HOXD3: variants seen among roughly 807,000 people sequenced by gnomAD.
HOXD3 encodes the protein homeobox D3.
HOXD3 carries 13 observed loss-of-function variants against 32.8 expected under a neutral mutation model. The ratio of observed to expected loss-of-function variants is 0.40; its 90% CI spans 0.26 to 0.63. HOXD3 has a LOEUF of 0.63. Among genes scored for constraint, HOXD3 ranks in the 20% least tolerant of loss-of-function variants. The pLI is 0.44. For synonymous variants in HOXD3, 241 were observed against 246.8 expected (o/e 0.98, Z 0.22); for missense variants, 504 against 577.1 (o/e 0.87, Z 1.30).
chr2:176,152,616 A>G, upstream of HOXD3: 1 of 1,613,930 alleles, frequency 6.2e-7, no homozygotes, highest in Non-Finnish European at 8.5e-7. This position sits in a 1 kb window ranked among gnomAD's most constrained non-coding sequence, Gnocchi z 5.2. Context: ...AGTGAACCCC[A>G]ACTACACCGG....
chr2:176,163,473 A>C (rs1690870703), intron 1 of HOXD3, among the ~76,000 whole-genome samples: 1 of 152,126 alleles, frequency 6.6e-6, no homozygotes, highest in Admixed American at 6.5e-5. Context: ...TGGGCAGCCC[A>C]GGGCCAAGAG....
Position 176,169,239 on chromosome 2 carries a change from G to C in HOXD3, c.125G>C (p.Gly42Ala). 6.2e-7 allele frequency: 1 copy of C among 1,614,044 alleles called. No individual in the cohort carries two copies. The highest frequency in any genetic ancestry group is 8.5e-7 in the Non-Finnish European group (1 of 1,179,996). Residue 42 changes from glycine to alanine, a missense_variant, in exon 3 of 4, where the codon GGC becomes GCC. Gly to Ala is a moderately conservative substitution (Grantham distance 60, BLOSUM62 0). This residue lies in a region of HOXD3 where 181 missense variants were observed against 172.2 expected (regional missense o/e 1.05). Coordinates refer to ENST00000683222, the MANE Select transcript of HOXD3 (RefSeq NM_006898.5). The part of the protein sequence containing the change: ...YGYSKTTDTY[G>A]YSTPHQPYPP... Reference sequence around the variant, plus strand: ...TACAGCAAAACTACGGACACTTACGGCTACAGCACCCCCCACCAGCCCTAC... The same window carrying C: ...TACAGCAAAACTACGGACACTTACGCCTACAGCACCCCCCACCAGCCCTAC...
upstream of HOXD3, among the ~76,000 whole-genome samples, chr2:176,154,866 A>G (rs914301081): frequency 6.6e-6 from 1 of 152,234 alleles, no homozygotes; most frequent in African/African-American, 2.4e-5. Context: ...TGTTTCTATG[A>G]CAAAAAGCAC....
chr2:176,156,382 G>C (rs374366926), upstream of HOXD3, among the ~76,000 whole-genome samples: 3 of 152,322 alleles, frequency 2.0e-5, no homozygotes, highest in African/African-American at 4.8e-5. Flanking sequence ...AGGTTAATAG[G>C]GGGATCCAGG....
chr2:176,160,372 C>T (rs897073437), intron 1 of HOXD3, among the ~76,000 whole-genome samples: 1 of 152,188 alleles, frequency 6.6e-6, no homozygotes, highest in African/African-American at 2.4e-5. Context: ...TGGGGAGAGA[C>T]TCTCAACGCC....
chr2:176,156,989 A>G (rs1690657812), upstream of HOXD3, among the ~76,000 whole-genome samples: 1 of 152,068 alleles, frequency 6.6e-6, no homozygotes, highest in South Asian at 2.1e-4. Flanking sequence ...CCACCAATAC[A>G]TCAATACCGT....
intron 1 of HOXD3, among the ~76,000 whole-genome samples, chr2:176,161,562 T>A (rs1229712584): frequency 6.6e-6 from 1 of 152,208 alleles, no homozygotes; most frequent in Non-Finnish European, 1.5e-5. Flanking sequence ...TATATGTATT[T>A]AAAATAAACT....
chr2:176,166,895 C>T (rs717852), intron 2 of HOXD3, among the ~76,000 whole-genome samples: 116,323 of 152,138 alleles, frequency 0.76, 45,151 homozygotes, highest in African/African-American at 0.89. Flanking sequence ...GTGAATCATT[C>T]TGGTACCTGT....
In HOXD3 at chr2:176,169,552, G is replaced by A; in HGVS notation, c.438G>A (p.Gly146=). ...TGCCTGCCAAGAAGCCCAAAGGTGG[G>A]CCCAATGCTTCTAGCTCCTCAGCCA... The part of the protein sequence containing the change: ...GGVPAKKPKG[G]PNASSSSATI... The change falls in exon 3 of 4, where the codon GGG becomes GGA. Residue 146 remains glycine (G), a synonymous_variant. Coordinates refer to ENST00000683222, the MANE Select transcript of HOXD3 (RefSeq NM_006898.5). The A allele has an allele frequency of 6.2e-7, 1 of 1,613,910 alleles. No individual in the cohort carries two copies. The highest frequency in any genetic ancestry group is 1.7e-5 in the Admixed American group (1 of 59,992).
intron 2 of HOXD3, chr2:176,164,947 G>T (rs569039900): frequency 6.6e-6 from 1 of 152,352 alleles, no homozygotes; most frequent in Non-Finnish European, 1.5e-5. Flanking sequence ...GGCCACCACG[G>T]GCAGCAGATT....
chr2:176,172,310 C>CA lies in HOXD3; in HGVS notation c.*36_*37insA, dbSNP rs1288165849. The CA allele has an allele frequency of 6.4e-7, 1 of 1,558,944 alleles. No individual in the cohort carries two copies. The highest frequency in any genetic ancestry group is 1.3e-5 in the African/African-American group (1 of 74,134). On this transcript the variant is annotated 3_prime_UTR_variant, in exon 4 of 4. Coordinates refer to ENST00000683222, the MANE Select transcript of HOXD3 (RefSeq NM_006898.5). ...CAGCCCGAACTCGCGGCAAAATTAC[C>CA]TCTCTTGCTGTAGTGGTGGGGTAGA...
intron 2 of HOXD3, 153 bp downstream of exon 2, chr2:176,164,321 G>C (rs1690896096): frequency 6.6e-6 from 1 of 152,200 alleles, no homozygotes; most frequent in African/African-American, 2.4e-5. Context: ...CATGAAAACC[G>C]ATCATTGGCC....
At chr2:176,171,311 C>T (rs924452842) in intron 3 of HOXD3, among the ~76,000 whole-genome samples, 1 of 152,008 alleles carries the variant, frequency 6.6e-6, no homozygotes, top group Non-Finnish European at 1.5e-5. Context: ...GTTTCAGGTG[C>T]GACTGATAGG....
At chr2:176,160,165 G>A (rs1334245993) in intron 1 of HOXD3, among the ~76,000 whole-genome samples, 1 of 152,168 alleles carries the variant, frequency 6.6e-6, no homozygotes, top group Non-Finnish European at 1.5e-5. Flanking sequence ...CTGGGCGTCG[G>A]CCTCCGCGGC....
intron 2 of HOXD3, among the ~76,000 whole-genome samples, chr2:176,166,925 C>T (rs1350743060): frequency 1.3e-5 from 2 of 152,198 alleles, no homozygotes; most frequent in African/African-American, 2.4e-5. Flanking sequence ...CATTAGGCCA[C>T]ATAAGCTGTC....
rs758116983 is a variant in HOXD3 at position 176,172,021 on chromosome 2, C to T, written c.1046C>T (p.Ala349Val). 16 of 1,607,358 alleles carry T rather than the reference C, an allele frequency of 1.0e-5. No homozygotes were observed. Among genetic ancestry groups the T allele is most frequent in the Non-Finnish European group, 1.4e-5 (16 of 1,178,804 alleles). Residue 349 changes from alanine (A) to valine (V), a missense_variant, in exon 4 of 4, where the codon GCC becomes GTC. This residue lies in a region of HOXD3 where 226 missense variants were observed against 246.9 expected (regional missense o/e 0.92). Coordinates refer to ENST00000683222, the MANE Select transcript of HOXD3 (RefSeq NM_006898.5). ...AGCAACGGCGGCGGCTTCGCCAGCGCCAACTTGCAGGGCAGCCCGGTGTAC... is the reference window on the plus strand; with the variant it reads ...AGCAACGGCGGCGGCTTCGCCAGCGTCAACTTGCAGGGCAGCCCGGTGTAC... ...MASNGGGFAS[A>V]NLQGSPVYVG...
upstream of HOXD3, among the ~76,000 whole-genome samples, chr2:176,156,963 A>G (rs1249092481): frequency 2.0e-5 from 3 of 152,148 alleles, no homozygotes; most frequent in African/African-American, 7.2e-5. Context: ...CTTCTGCTTA[A>G]TGGCTCCTCC....
chr2:176,170,925 T>TTGG (rs1691149647), intron 3 of HOXD3, among the ~76,000 whole-genome samples: 1 of 113,918 alleles, frequency 8.8e-6, no homozygotes, highest in Non-Finnish European at 2.3e-5. Flanking sequence ...GTTTGGTTGG[T>TTGG]TTTTTTTTAT....
At position 176,172,364 on chromosome 2, in the gene HOXD3, C is replaced by G; in HGVS notation, c.*90C>G. The G allele has an allele frequency of 7.8e-7, 1 of 1,287,308 alleles. No individual in the cohort carries two copies. The highest frequency in any genetic ancestry group is 1.0e-6 in the Non-Finnish European group (1 of 955,400). 79.7% of individuals were successfully genotyped at this position (1,287,308 alleles called of 1,614,324 possible). A position where few individuals can be genotyped will look rare whatever the true frequency, so the allele number is the denominator to read the frequency against. ...TGGGGCCCGCGGGGCAGTTCGGGAA[C>G]CCCCTTCCCCGCTCTTGCCCTGCCG... On this transcript the variant is annotated 3_prime_UTR_variant, in exon 4 of 4. Coordinates refer to ENST00000683222, the MANE Select transcript of HOXD3 (RefSeq NM_006898.5).
Sources: allele counts gnomAD v4.1 joint callset (sites outside exome capture counted in the v4.1 genomes callset), GRCh38; gene constraint gnomAD v4.1.1; regional missense constraint gnomAD v4.1.1; non-coding constraint Gnocchi (gnomAD v3.1); transcripts MANE v1.5; gene names NCBI Gene and HGNC (gene_info 2026-07-23, HGNC 2026-07-21).